Variants in CBLB observed in about 807,000 individuals in gnomAD.
CBLB encodes Cbl proto-oncogene B, also known as E3 ubiquitin-protein ligase CBL-B.
A neutral mutation model predicts 104.9 loss-of-function variants in CBLB; 31 were observed. The ratio of observed to expected loss-of-function variants is 0.30; its 90% CI spans 0.22 to 0.40. The LOEUF is 0.40. Ranked by LOEUF, CBLB falls within the 10% of genes least tolerant of loss-of-function variation. CBLB has a pLI of 1.00. For synonymous variants in CBLB, 440 were observed against 422.6 expected (o/e 1.04, Z -0.51); for missense variants, 1,062 against 1,214.6 (o/e 0.87, Z 1.87).
intron 17 of CBLB, chr3:105,671,633 C>T: frequency 4.9e-6 from 1 of 205,306 alleles, no homozygotes; most frequent in Non-Finnish European, 1.0e-5. Context: ...TATTTGATTA[C>T]TTACGATGAA....
intron 10 of CBLB, among the ~76,000 whole-genome samples, chr3:105,706,780 AAT>A (rs1338699385): frequency 2.6e-5 from 4 of 152,098 alleles, no homozygotes; most frequent in Non-Finnish European, 5.9e-5. Flanking sequence ...TAGCCCAAAC[AAT>A]ATATTTTTTT....
chr3:105,677,921 T>C (rs2152717113), intron 17 of CBLB, among the ~76,000 whole-genome samples: 1 of 151,852 alleles, frequency 6.6e-6, no homozygotes, highest in Non-Finnish European at 1.5e-5. Context: ...GCATTAAAAA[T>C]ATCACAACAA....
chr3:105,770,610 G>C (rs2078760060), intron 4 of CBLB, among the ~76,000 whole-genome samples: 2 of 152,176 alleles, frequency 1.3e-5, no homozygotes, highest in South Asian at 4.1e-4. Flanking sequence ...TGGGGAGGGA[G>C]GAGTTGCGGC....
intron 3 of CBLB, among the ~76,000 whole-genome samples, chr3:105,811,105 G>A (rs571528086): frequency 2.0e-5 from 3 of 152,100 alleles, no homozygotes; most frequent in Admixed American, 2.0e-4. Context: ...GTATTTTTCA[G>A]GAAACCTTAA....
At chr3:105,662,853 G>A (rs2063922385) in intron 18 of CBLB, among the ~76,000 whole-genome samples, 1 of 152,196 alleles carries the variant, frequency 6.6e-6, no homozygotes, top group South Asian at 2.1e-4. Flanking sequence ...TAAAAGAAGA[G>A]AGTGATGTGG....
chr3:105,749,831 T>C (rs2076431208), intron 5 of CBLB: 1 of 217,802 alleles, frequency 4.6e-6, no homozygotes, highest in East Asian at 1.4e-4. Context: ...TTCTAAAATA[T>C]ATCTTAAAAT....
intron 12 of CBLB, among the ~76,000 whole-genome samples, 166 bp downstream of exon 12, chr3:105,701,928 T>C (rs1393437162): frequency 6.6e-6 from 1 of 152,202 alleles, no homozygotes; most frequent in African/African-American, 2.4e-5. Context: ...TTCTCTTAAG[T>C]TCAAGTTTTA....
chr3:105,701,739 G>T (rs1335252975), intron 12 of CBLB, among the ~76,000 whole-genome samples: 1 of 150,080 alleles, frequency 6.7e-6, no homozygotes, highest in Non-Finnish European at 1.5e-5. Context: ...CTCCAGCCTG[G>T]GGGGCAAGAG....
upstream of CBLB, chr3:105,869,243 T>G: frequency 2.9e-6 from 2 of 688,592 alleles, no homozygotes; most frequent in South Asian, 2.9e-5. Flanking sequence ...GGAATTGGAC[T>G]CGGAGAGAAA....
At chr3:105,792,717 G>A (rs576664253) in intron 3 of CBLB, among the ~76,000 whole-genome samples, 54 of 152,158 alleles carry the variant, frequency 3.5e-4, no homozygotes, top group Admixed American at 1.3e-3. Flanking sequence ...AATGGAAGAG[G>A]ACCAGGCACA....
At chr3:105,757,043 C>G (rs1305909099) in intron 4 of CBLB, among the ~76,000 whole-genome samples, 3 of 152,126 alleles carry the variant, frequency 2.0e-5, no homozygotes, top group Non-Finnish European at 4.4e-5. Flanking sequence ...TCTGTTTCAC[C>G]TTCTGCCATG....
intron 9 of CBLB, among the ~76,000 whole-genome samples, chr3:105,733,336 G>A (rs1429591225): frequency 3.4e-5 from 5 of 147,904 alleles, no homozygotes; most frequent in African/African-American, 9.9e-5. Flanking sequence ...CAGCCTGGGC[G>A]ACAGAGCAAG....
intron 4 of CBLB, among the ~76,000 whole-genome samples, chr3:105,769,245 G>A (rs754972342): frequency 6.6e-5 from 10 of 152,124 alleles, no homozygotes; most frequent in Non-Finnish European, 1.5e-4. Flanking sequence ...TTGAACCCAG[G>A]AGGCAGAGGT....
chr3:105,848,232 T>C, intron 3 of CBLB, among the ~76,000 whole-genome samples: 1 of 152,028 alleles, frequency 6.6e-6, no homozygotes, highest in East Asian at 1.9e-4. Flanking sequence ...ATATAAAAGA[T>C]GAAGGTTTAC....
At chr3:105,680,947 T>C (rs1037041196) in intron 16 of CBLB, 3 of 159,288 alleles carry the variant, frequency 1.9e-5, no homozygotes, top group Non-Finnish European at 2.8e-5. Context: ...AAAATACACA[T>C]AGGATGTTTC....
intron 4 of CBLB, among the ~76,000 whole-genome samples, chr3:105,774,120 T>C (rs1262394446): frequency 6.6e-6 from 1 of 152,262 alleles, no homozygotes; most frequent in East Asian, 1.9e-4. Flanking sequence ...TTAATGGTTC[T>C]GTTTTAGGAA....
intron 3 of CBLB, among the ~76,000 whole-genome samples, chr3:105,820,059 T>C (rs2085616020): frequency 6.6e-6 from 1 of 152,186 alleles, no homozygotes; most frequent in Non-Finnish European, 1.5e-5. Flanking sequence ...GTGGGAACCC[T>C]GAACTTGTTT....
intron 3 of CBLB, among the ~76,000 whole-genome samples, chr3:105,803,905 C>G (rs1402992115): frequency 6.6e-6 from 1 of 152,102 alleles, no homozygotes; most frequent in Non-Finnish European, 1.5e-5. Context: ...TAACAAGACA[C>G]TCAATTACAG....
intron 1 of CBLB, 84 bp from the exon 2 acceptor site, chr3:105,867,675 C>T: frequency 8.7e-7 from 1 of 1,152,352 alleles, no homozygotes; most frequent in Non-Finnish European, 1.3e-6. Context: ...TAACTTGTAC[C>T]ACTGCATCTT....
Sources: gnomAD v4.1 joint callset for allele counts (sites outside exome capture counted in the v4.1 genomes callset) on GRCh38, gnomAD v4.1.1 for gene constraint, MANE v1.5 for transcripts, NCBI Gene and HGNC (gene_info 2026-07-23, HGNC 2026-07-21) for gene names.